SDK1: variants seen among roughly 807,000 people sequenced by gnomAD.
The protein encoded by SDK1 is sidekick cell adhesion molecule 1, also known as protein sidekick-1.
Under a neutral mutation model 245.5 loss-of-function variants are expected in SDK1, and 157 were observed. That is an observed-to-expected ratio of 0.64 (90% CI 0.56 to 0.73). The LOEUF (loss-of-function observed/expected upper bound fraction) is 0.73, where lower values mean the gene tolerates loss of function less well. Ranked by LOEUF, SDK1 falls within the 30% of genes least tolerant of loss-of-function variation. The pLI, the probability that SDK1 is intolerant of heterozygous loss-of-function variation, is 0.00. For synonymous variants in SDK1, 1,647 were observed against 1,278.5 expected (o/e 1.29, Z -6.15); for missense variants, 3,583 against 3,002.3 (o/e 1.19, Z -4.52).
intron 30 of SDK1, among the ~76,000 whole-genome samples, chr7:4,151,072 T>G (rs1780347571): frequency 6.6e-6 from 1 of 152,290 alleles, no homozygotes; most frequent in East Asian, 1.9e-4. Flanking sequence ...TGGATGCCAG[T>G]ATCGCCTTTG....
At chr7:4,075,858 G>A (rs1283090197) in intron 20 of SDK1, among the ~76,000 whole-genome samples, 1 of 151,894 alleles carries the variant, frequency 6.6e-6, no homozygotes, top group Non-Finnish European at 1.5e-5. Flanking sequence ...TTCACATGTT[G>A]GCCAGGCTGG....
intron 23 of SDK1, among the ~76,000 whole-genome samples, chr7:4,112,117 G>A (rs185202475): frequency 5.1e-4 from 77 of 152,342 alleles, no homozygotes; most frequent in Non-Finnish European, 5.3e-4. Context: ...TCAGGGCACA[G>A]CTTGCTTTTA....
At chr7:3,508,102 A>T (rs935934980) in intron 1 of SDK1, among the ~76,000 whole-genome samples, 3 of 152,084 alleles carry the variant, frequency 2.0e-5, no homozygotes, top group African/African-American at 7.2e-5. Context: ...ACTGATAGTC[A>T]GGGTGTTGTC....
intron 1 of SDK1, among the ~76,000 whole-genome samples, chr7:3,589,629 C>G (rs1780798292): frequency 6.6e-6 from 1 of 152,134 alleles, no homozygotes; most frequent in South Asian, 2.1e-4. Flanking sequence ...GGAGTACAGA[C>G]ACGTCTTAAA....
At chr7:3,737,500 A>G (rs1370278864) in intron 4 of SDK1, among the ~76,000 whole-genome samples, 3 of 152,190 alleles carry the variant, frequency 2.0e-5, no homozygotes, top group Non-Finnish European at 4.4e-5. Flanking sequence ...GCTGAGCCAG[A>G]CTGCTGGCTG....
Position 4,205,757 on chromosome 7 carries a change from G to T in SDK1, c.5099-122G>T. 3 of 799,712 alleles carry T rather than the reference G, an allele frequency of 3.8e-6. No individual in the cohort carries two copies. In the South Asian group the frequency reaches 4.8e-5, roughly 13 times the overall value. The allele number at this position is 799,712 out of a possible 1,614,324, so 49.5% of individuals were successfully genotyped here. A position where few individuals can be genotyped will look rare whatever the true frequency, so the allele number is the denominator to read the frequency against. On this transcript the variant is annotated intron_variant, in intron 35 of 44. Transcript: ENST00000404826. ...TAAGCCAGGGCGACGGCCCAGGGAA[G>T]AATCTCTCACATGGTTCCCAGCGGA...
intron 1 of SDK1, among the ~76,000 whole-genome samples, chr7:3,440,310 G>A (rs527507746): frequency 6.6e-6 from 1 of 152,274 alleles, no homozygotes; most frequent in Admixed American, 6.5e-5. Flanking sequence ...GCTTAGTTCA[G>A]GTTGCTCAGT....
chr7:4,106,041 G>A (rs985020240), intron 22 of SDK1, among the ~76,000 whole-genome samples: 5 of 152,074 alleles, frequency 3.3e-5, no homozygotes, highest in African/African-American at 9.7e-5. Context: ...GGAAGGGCAG[G>A]GTAGTTTGAC....
At chr7:3,346,069 T>C (rs55886034) in intron 1 of SDK1, among the ~76,000 whole-genome samples, 37,149 of 152,198 alleles carry the variant, frequency 0.24, 4,874 homozygotes, top group East Asian at 0.38. Context: ...TTTTAAGATT[T>C]AGAGTCTCAG....
intron 4 of SDK1, among the ~76,000 whole-genome samples, chr7:3,809,941 T>A (rs1236316598): frequency 1.3e-5 from 2 of 152,240 alleles, no homozygotes; most frequent in Non-Finnish European, 2.9e-5. Flanking sequence ...GGGCCAACGC[T>A]TCTCTGCAGA....
intron 4 of SDK1, among the ~76,000 whole-genome samples, chr7:3,717,558 C>T (rs930400262): frequency 6.6e-6 from 1 of 152,058 alleles, no homozygotes; most frequent in Non-Finnish European, 1.5e-5. Context: ...AGAAAAGACA[C>T]AAATCACTAA....
In SDK1 at chr7:4,119,808, G is replaced by A. The variant is rs185528787; in HGVS notation, c.3823+5534G>A. On this transcript the variant is annotated intron_variant, in intron 25 of 44. Transcript: ENST00000404826. Reference sequence around the variant, plus strand: ...AAGCACACAGGCAATGATTTGCCATGAGTAAAAATGACCAGTTTTAAAAAA... The same window carrying A: ...AAGCACACAGGCAATGATTTGCCATAAGTAAAAATGACCAGTTTTAAAAAA... Among the ~76,000 whole-genome samples the A allele has an allele frequency of 2.3e-4, 34 of 148,884 alleles. 2 individuals are homozygous for A. Among genetic ancestry groups the A allele is most frequent in the Admixed American group, 1.9e-3 (28 of 14,984 alleles).
rs755674840 is a variant in SDK1, at chr7:3,951,732, C to T, written c.962C>T (p.Pro321Leu). ...ATGAATGCCTTTCATTCCCACAGGCCTGTGGAGGACCTGAGTGTGACCTGG... is the reference window on the plus strand; with the variant it reads ...ATGAATGCCTTTCATTCCCACAGGCTTGTGGAGGACCTGAGTGTGACCTGG... ...TTLECIASAR[P>L]VEDLSVTWKR... The change falls in exon 7 of 45, where the codon CCT becomes CTT. Residue 321 changes from proline (P) to leucine (L), a missense_variant and splice_region_variant. Pro to Leu is a moderately conservative substitution (Grantham distance 98). Coordinates refer to ENST00000404826, the MANE Select transcript of SDK1 (RefSeq NM_152744.4). The T allele has an allele frequency of 6.2e-7, 1 of 1,612,844 alleles. No homozygotes were observed.
chr7:3,450,173 A>G (rs1780468704), intron 1 of SDK1, among the ~76,000 whole-genome samples: 2 of 152,162 alleles, frequency 1.3e-5, no homozygotes, highest in Admixed American at 6.5e-5. Context: ...GATCATATGT[A>G]TGTGCACATG....
chr7:3,949,325 C>G (rs1306226695), intron 5 of SDK1, among the ~76,000 whole-genome samples: 2 of 152,238 alleles, frequency 1.3e-5, no homozygotes, highest in Non-Finnish European at 2.9e-5. Context: ...TTAGAATTCA[C>G]ATGCACGTTT....
At chr7:3,963,820 C>G (rs1292689715) in intron 9 of SDK1, among the ~76,000 whole-genome samples, 2 of 152,110 alleles carry the variant, frequency 1.3e-5, no homozygotes, top group Non-Finnish European at 2.9e-5. Flanking sequence ...TGAGCACACC[C>G]AGGCCGACGG....
chr7:4,106,094 T>A (rs1782883536), intron 22 of SDK1, among the ~76,000 whole-genome samples: 1 of 152,064 alleles, frequency 6.6e-6, no homozygotes, highest in African/African-American at 2.4e-5. Flanking sequence ...CCCAATCCAT[T>A]GATCCTGGCC....
chr7:4,114,794 G>A (rs1783594151), intron 25 of SDK1, among the ~76,000 whole-genome samples: 2 of 152,166 alleles, frequency 1.3e-5, no homozygotes, highest in African/African-American at 4.8e-5. Flanking sequence ...AGGGACCCAG[G>A]CTTTACCGTT....
At chr7:4,238,447 C>T (rs1786320391) in intron 42 of SDK1, among the ~76,000 whole-genome samples, 1 of 151,860 alleles carries the variant, frequency 6.6e-6, no homozygotes, top group Non-Finnish European at 1.5e-5. Context: ...GCCTGTAATC[C>T]TAGTGATTTT....
Sources: allele counts gnomAD v4.1 joint callset (sites outside exome capture counted in the v4.1 genomes callset), GRCh38; gene constraint gnomAD v4.1.1; transcripts MANE v1.5; gene names NCBI Gene and HGNC (gene_info 2026-07-23, HGNC 2026-07-21).